The following SLC24A2 variants were observed in gnomAD, a reference collection of about 807,000 sequenced individuals.
SLC24A2 encodes the protein solute carrier family 24 member 2, also known as sodium/potassium/calcium exchanger 2.
A neutral mutation model predicts 62.0 loss-of-function variants in SLC24A2; 36 were observed. That is an observed-to-expected ratio of 0.58 (90% confidence interval 0.44 to 0.77). The LOEUF is 0.77. SLC24A2 is among the 30% of genes least tolerant of loss of function. The probability of loss-of-function intolerance (pLI) is 0.00; values close to 1 mark genes in which losing one functional copy is unlikely to be tolerated. For synonymous variants in SLC24A2, 358 were observed against 294.0 expected (o/e 1.22, Z -2.23); for missense variants, 846 against 817.9 (o/e 1.03, Z -0.42).
the SLC24A2 span, among the ~76,000 whole-genome samples, chr9:20,114,587 C>G: frequency 6.6e-6 from 1 of 152,116 alleles, no homozygotes; most frequent in African/African-American, 2.4e-5. Flanking sequence ...AGAAGCCTAT[C>G]TTGTCATGGA....
chr9:20,277,787 A>G, the SLC24A2 span, among the ~76,000 whole-genome samples: 2 of 151,158 alleles, frequency 1.3e-5, no homozygotes, highest in African/African-American at 2.4e-5. Context: ...ACATGCACAC[A>G]TATGTTTACT....
chr9:19,911,215 A>G, the SLC24A2 span, among the ~76,000 whole-genome samples: 1 of 151,290 alleles, frequency 6.6e-6, no homozygotes, highest in Non-Finnish European at 1.5e-5. Context: ...ATGATTTCCA[A>G]TTTCATCCAT....
the SLC24A2 span, among the ~76,000 whole-genome samples, chr9:19,820,050 TATATACACATATATATA>T: frequency 1.1e-4 from 2 of 18,472 alleles, 1 homozygote; most frequent in Admixed American, 1.9e-3. Flanking sequence ...TACATATATA[TATATACACATATATATA>T]TATATATATA....
intron 2 of SLC24A2, among the ~76,000 whole-genome samples, chr9:19,661,963 C>T (rs1819114764): frequency 6.6e-6 from 1 of 152,208 alleles, no homozygotes; most frequent in Non-Finnish European, 1.5e-5. Flanking sequence ...TATTCTCTTT[C>T]TTCTGGCAAA....
At chr9:19,724,874 G>A (rs376462315) in intron 2 of SLC24A2, among the ~76,000 whole-genome samples, 12 of 152,140 alleles carry the variant, frequency 7.9e-5, no homozygotes, top group African/African-American at 2.9e-4. Context: ...TACCATTAAA[G>A]GGAGACTAAT....
chr9:20,251,868 C>G, the SLC24A2 span, among the ~76,000 whole-genome samples: 1 of 152,174 alleles, frequency 6.6e-6, no homozygotes, highest in Non-Finnish European at 1.5e-5. Context: ...TGCTGCAGTT[C>G]CAGGTATTAT....
intron 7 of SLC24A2, among the ~76,000 whole-genome samples, chr9:19,557,122 C>T (rs62561741): frequency 0.11 from 16,840 of 152,164 alleles, 985 homozygotes; most frequent in African/African-American, 0.15. Context: ...CCTGAGTAAC[C>T]CCTAAGTCCC....
the SLC24A2 span, among the ~76,000 whole-genome samples, chr9:20,210,465 G>A: frequency 6.6e-6 from 1 of 151,860 alleles, no homozygotes; most frequent in Non-Finnish European, 1.5e-5. Flanking sequence ...CATGCAGAAG[G>A]CAGAAGGTTT....
chr9:20,127,351 T>C, the SLC24A2 span, among the ~76,000 whole-genome samples: 1 of 152,196 alleles, frequency 6.6e-6, no homozygotes, highest in Non-Finnish European at 1.5e-5. Flanking sequence ...CCTTTTCTTT[T>C]ATGAAAACAT....
intron 7 of SLC24A2, among the ~76,000 whole-genome samples, chr9:19,552,414 G>C (rs964112511): frequency 1.3e-5 from 2 of 152,166 alleles, no homozygotes; most frequent in African/African-American, 4.8e-5. Flanking sequence ...TAACCCAAAT[G>C]AATGACTTTC....
chr9:19,885,436 T>C, the SLC24A2 span, among the ~76,000 whole-genome samples: 4 of 152,198 alleles, frequency 2.6e-5, no homozygotes, highest in Admixed American at 1.3e-4. Flanking sequence ...TTACAACTTA[T>C]AAAACATGTT....
At chr9:19,562,599 G>A (rs1835456961) in intron 7 of SLC24A2, among the ~76,000 whole-genome samples, 1 of 152,030 alleles carries the variant, frequency 6.6e-6, no homozygotes, top group South Asian at 2.1e-4. Context: ...ATCACATACA[G>A]GAACTGGACC....
intron 9 of SLC24A2, among the ~76,000 whole-genome samples, chr9:19,525,662 C>T (rs1329421755): frequency 6.6e-6 from 1 of 151,710 alleles, no homozygotes; most frequent in African/African-American, 2.4e-5. Flanking sequence ...CCTCAGCATC[C>T]CAAAGTGCTG....
chr9:19,957,324 G>A, the SLC24A2 span: 3 of 152,122 alleles, frequency 2.0e-5, no homozygotes, highest in East Asian at 1.9e-4. Context: ...AAGGAGTAGC[G>A]AGCAAAACAC....
At chr9:19,797,339 T>G in the SLC24A2 span, among the ~76,000 whole-genome samples, 1 of 151,562 alleles carries the variant, frequency 6.6e-6, no homozygotes, top group African/African-American at 2.4e-5. Context: ...TTCTGCTCCC[T>G]GAAGTTTCTG....
At chr9:20,056,548 G>A in the SLC24A2 span, among the ~76,000 whole-genome samples, 10 of 152,286 alleles carry the variant, frequency 6.6e-5, no homozygotes, top group South Asian at 2.1e-4. Context: ...AATTAATTAC[G>A]TAATAAGCAC....
At chr9:20,265,358 C>G in the SLC24A2 span, among the ~76,000 whole-genome samples, 10 of 152,318 alleles carry the variant, frequency 6.6e-5, no homozygotes, top group East Asian at 1.7e-3. Flanking sequence ...GAGGGACCAG[C>G]TGAAACCATG....
intron 2 of SLC24A2, among the ~76,000 whole-genome samples, chr9:19,759,117 AAC>A (rs1822234717): frequency 6.6e-6 from 1 of 152,222 alleles, no homozygotes; most frequent in Admixed American, 6.6e-5. Context: ...AAGAAGATCA[AAC>A]AAAAGACACC....
At chr9:19,926,847 T>C in the SLC24A2 span, 1 of 152,264 alleles carries the variant, frequency 6.6e-6, no homozygotes, top group Non-Finnish European at 1.5e-5. Context: ...ACAAATGACT[T>C]AATAATCTGG....
Sources: gnomAD v4.1 joint callset for allele counts (sites outside exome capture counted in the v4.1 genomes callset) on GRCh38, gnomAD v4.1.1 for gene constraint, MANE v1.5 for transcripts, NCBI Gene and HGNC (gene_info 2026-07-23, HGNC 2026-07-21) for gene names.